TSPAN5: variants seen among roughly 807,000 people sequenced by gnomAD.
TSPAN5 encodes tetraspanin 5, also known as tetraspanin-5.
In TSPAN5, 10 loss-of-function variants were observed where a neutral mutation model predicts 37.1. The ratio of observed to expected loss-of-function variants is 0.27; its 90% confidence interval spans 0.17 to 0.46. The LOEUF is 0.46. Ranked by LOEUF, TSPAN5 falls within the 20% of genes least tolerant of loss-of-function variation. The pLI, the probability that TSPAN5 is intolerant of heterozygous loss-of-function variation, is 1.00. For missense variants in TSPAN5, 195 were observed against 326.6 expected (o/e 0.60, Z 3.11); for synonymous variants, 110 against 118.9 (o/e 0.93, Z 0.48).
chr4:98,576,782 C>T (rs1187581197), intron 1 of TSPAN5, among the ~76,000 whole-genome samples: 1 of 152,146 alleles, frequency 6.6e-6, no homozygotes, highest in Non-Finnish European at 1.5e-5. Context: ...TGTGTTGAGA[C>T]AGTGTCTTGC....
intron 1 of TSPAN5, among the ~76,000 whole-genome samples, chr4:98,588,247 G>A (rs372912652): frequency 6.6e-6 from 1 of 152,176 alleles, no homozygotes; most frequent in African/African-American, 2.4e-5. Context: ...AGACATCACT[G>A]AGAAGCCTTT....
chr4:98,538,103 C>T (rs977853134), intron 1 of TSPAN5, among the ~76,000 whole-genome samples: 18 of 152,214 alleles, frequency 1.2e-4, no homozygotes, highest in Non-Finnish European at 2.5e-4. Flanking sequence ...TAGGGGAATA[C>T]GTGCACACAG....
At chr4:98,562,610 G>A (rs983213039) in intron 1 of TSPAN5, among the ~76,000 whole-genome samples, 13 of 152,082 alleles carry the variant, frequency 8.5e-5, no homozygotes, top group Non-Finnish European at 5.9e-5. Flanking sequence ...GCAGAGAGCC[G>A]AGATCGCGCC....
At chr4:98,473,287 C>T (rs1752625497) in intron 7 of TSPAN5, among the ~76,000 whole-genome samples, 1 of 152,156 alleles carries the variant, frequency 6.6e-6, no homozygotes, top group Admixed American at 6.5e-5. Flanking sequence ...ATTTTCATTT[C>T]CATTAGCAAC....
At chr4:98,532,745 G>C (rs1754125037) in intron 1 of TSPAN5, among the ~76,000 whole-genome samples, 1 of 152,204 alleles carries the variant, frequency 6.6e-6, no homozygotes, top group Non-Finnish European at 1.5e-5. Context: ...GGAGTGGTGA[G>C]AGAGGGCATC....
chr4:98,526,362 C>T (rs1753963648), intron 1 of TSPAN5, among the ~76,000 whole-genome samples: 1 of 152,160 alleles, frequency 6.6e-6, no homozygotes, highest in Non-Finnish European at 1.5e-5. Context: ...CGAGAGGCAA[C>T]CCGCTCCCAA....
chr4:98,606,989 G>A (rs868408063), intron 1 of TSPAN5, among the ~76,000 whole-genome samples: 12 of 152,172 alleles, frequency 7.9e-5, no homozygotes, highest in Non-Finnish European at 1.6e-4. Flanking sequence ...TCCCCATAGT[G>A]GGGTGGTGTG....
chr4:98,559,447 A>T (rs901034388), intron 1 of TSPAN5, among the ~76,000 whole-genome samples: 3 of 152,210 alleles, frequency 2.0e-5, no homozygotes, highest in Non-Finnish European at 2.9e-5. Flanking sequence ...TAAGAAGAGT[A>T]TAATAAAGAA....
chr4:98,556,538 C>A (rs1166362121), intron 1 of TSPAN5, among the ~76,000 whole-genome samples: 3 of 152,284 alleles, frequency 2.0e-5, no homozygotes, highest in South Asian at 4.2e-4. Flanking sequence ...AAACACCATA[C>A]CCTAAACTTG....
At chr4:98,542,458 G>C (rs1754379363) in intron 1 of TSPAN5, among the ~76,000 whole-genome samples, 1 of 151,824 alleles carries the variant, frequency 6.6e-6, no homozygotes, top group South Asian at 2.1e-4. Flanking sequence ...GCTCATGCCT[G>C]TCATCCCAGC....
intron 1 of TSPAN5, among the ~76,000 whole-genome samples, chr4:98,601,018 C>T (rs1447569196): frequency 6.6e-6 from 1 of 152,146 alleles, no homozygotes; most frequent in African/African-American, 2.4e-5. Context: ...CTTGGGTAAC[C>T]AGGTACATTA....
At chr4:98,618,903 G>T (rs138766543) in intron 1 of TSPAN5, among the ~76,000 whole-genome samples, 97 of 152,292 alleles carry the variant, frequency 6.4e-4, no homozygotes, top group African/African-American at 2.2e-3. Context: ...GAAGCCGGGG[G>T]ACAAGTGAAT....
At chr4:98,481,696 G>A (rs1351636357) in intron 4 of TSPAN5, among the ~76,000 whole-genome samples, 1 of 152,162 alleles carries the variant, frequency 6.6e-6, no homozygotes, top group Non-Finnish European at 1.5e-5. Context: ...TAAACCCGGA[G>A]CAAAACAATG....
chr4:98,534,272 T>C (rs764556337), intron 1 of TSPAN5, among the ~76,000 whole-genome samples: 9 of 152,236 alleles, frequency 5.9e-5, no homozygotes, highest in African/African-American at 2.2e-4. Flanking sequence ...TTTCGTTATG[T>C]ACCCTGTAGT....
chr4:98,588,538 T>A (rs1445885032), intron 1 of TSPAN5, among the ~76,000 whole-genome samples: 4 of 152,218 alleles, frequency 2.6e-5, no homozygotes. Context: ...TATTCTCTCT[T>A]CCCATAGGTC....
At chr4:98,612,549 A>T (rs948946473) in intron 1 of TSPAN5, among the ~76,000 whole-genome samples, 1 of 152,198 alleles carries the variant, frequency 6.6e-6, no homozygotes, top group Non-Finnish European at 1.5e-5. Context: ...CTAAACAGTG[A>T]CACTGCTGTA....
intron 1 of TSPAN5, among the ~76,000 whole-genome samples, chr4:98,598,414 G>T (rs922175397): frequency 2.6e-5 from 4 of 151,164 alleles, no homozygotes; most frequent in African/African-American, 9.7e-5. Flanking sequence ...GCTCACGCTG[G>T]GAGCTGTAGA....
chr4:98,586,018 C>G (rs1755477438), intron 1 of TSPAN5, among the ~76,000 whole-genome samples: 1 of 152,188 alleles, frequency 6.6e-6, no homozygotes, highest in Non-Finnish European at 1.5e-5. Flanking sequence ...GAACATAAGA[C>G]ACCACCAAAC....
At chr4:98,601,142 G>A (rs1204168319) in intron 1 of TSPAN5, among the ~76,000 whole-genome samples, 1 of 152,140 alleles carries the variant, frequency 6.6e-6, no homozygotes, top group Non-Finnish European at 1.5e-5. Context: ...TGTCATCTGG[G>A]CTTTGTTGTT....
Sources: allele counts gnomAD v4.1 joint callset (sites outside exome capture counted in the v4.1 genomes callset), GRCh38; gene constraint gnomAD v4.1.1; transcripts MANE v1.5; gene names NCBI Gene and HGNC (gene_info 2026-07-23, HGNC 2026-07-21).